Variants in RAPGEF1 observed in about 807,000 individuals in gnomAD.
RAPGEF1 encodes Rap guanine nucleotide exchange factor 1, also known as CRK SH3-binding GNRP.
RAPGEF1 carries 33 observed loss-of-function variants against 143.3 expected under a neutral mutation model. The observed-to-expected ratio is 0.23, with a 90% confidence interval of 0.17 to 0.31. The LOEUF is 0.31. Ranked by LOEUF, RAPGEF1 falls within the 10% of genes least tolerant of loss-of-function variation. The pLI is 1.00. For missense variants in RAPGEF1, 1,199 were observed against 1,645.4 expected (o/e 0.73, Z 4.69); for synonymous variants, 629 against 676.5 (o/e 0.93, Z 1.09).
intron 12 of RAPGEF1, 64 bp from the exon 13 acceptor site, chr9:131,605,252 T>C (rs552637542): frequency 8.4e-7 from 1 of 1,190,222 alleles, no homozygotes; most frequent in South Asian, 1.5e-5. Context: ...AAAAAGTAAT[T>C]AGATTGGCAG....
In RAPGEF1 at chr9:131,650,285, CTGTT is replaced by C; in HGVS notation, c.202-47_202-44del. The C allele has an allele frequency of 1.5e-5, 22 of 1,467,774 alleles. No homozygotes were observed. Among genetic ancestry groups the C allele is most frequent in the Non-Finnish European group, 2.1e-5 (22 of 1,057,484 alleles). The allele number at this position is 1,467,774 out of a possible 1,614,324, so 90.9% of individuals were successfully genotyped here. On this transcript the variant is annotated intron_variant, in intron 2 of 26. Coordinates refer to ENST00000683357, the MANE Select transcript of RAPGEF1 (RefSeq NM_001377935.1). This position sits in a 1 kb window ranked among gnomAD's most constrained non-coding sequence, Gnocchi z 4.7. The stretch of plus-strand genomic sequence containing the variant: ...TGGATTCCTACAGAGTTTGAAATGG[CTGTT>C]TGAGGCCGAAGGGAGGGGTTGATGA...
rs546593958 is a variant in RAPGEF1, at chr9:131,726,018, C to T, written c.61+13752G>A. On this transcript the variant is annotated intron_variant, in intron 1 of 26. Transcript: ENST00000683357. The stretch of plus-strand genomic sequence containing the variant: ...TCGTGATTCACCCGCCTCAGCCTCC[C>T]AAAGTGCTGGGATTACAGGTGTGAG... 5.7e-4 allele frequency among the ~76,000 whole-genome samples: 86 copies of T among 152,108 alleles called. 1 individual carries two copies. The highest frequency in any genetic ancestry group is 1.7e-3 in the African/African-American group (70 of 41,496).
chr9:131,664,739 G>C (rs1387774053), intron 1 of RAPGEF1, among the ~76,000 whole-genome samples: 45 of 152,200 alleles, frequency 3.0e-4, no homozygotes, highest in Non-Finnish European at 7.3e-5. Flanking sequence ...CATATAGCAA[G>C]TACTGTGTTC....
At chr9:131,676,512 G>A (rs1052708931) in intron 1 of RAPGEF1, among the ~76,000 whole-genome samples, 1 of 152,346 alleles carries the variant, frequency 6.6e-6, no homozygotes, top group African/African-American at 2.4e-5. Context: ...GTCCTTTGAT[G>A]GGTAGCAGAT....
At chr9:131,729,519 A>T (rs1206377762) in intron 1 of RAPGEF1, among the ~76,000 whole-genome samples, 1 of 152,268 alleles carries the variant, frequency 6.6e-6, no homozygotes, top group Non-Finnish European at 1.5e-5. Flanking sequence ...CTGTAGGCAG[A>T]TGTGGTGCCA....
chr9:131,619,242 A>G, intron 11 of RAPGEF1, 36 bp from the exon 12 acceptor site: 1 of 1,294,822 alleles, frequency 7.7e-7, no homozygotes, highest in South Asian at 1.2e-5. Flanking sequence ...AAGGCAGGGA[A>G]GGAGGGAGAG....
chr9:131,695,899 T>A (rs1216584065), intron 1 of RAPGEF1, among the ~76,000 whole-genome samples: 1 of 152,174 alleles, frequency 6.6e-6, no homozygotes, highest in Non-Finnish European at 1.5e-5. Context: ...TCTTTAGAAC[T>A]CCTCACCGCA....
intron 1 of RAPGEF1, among the ~76,000 whole-genome samples, chr9:131,660,330 T>C (rs1466991876): frequency 6.6e-6 from 1 of 152,258 alleles, no homozygotes; most frequent in Non-Finnish European, 1.5e-5. Flanking sequence ...AGCCTATCTT[T>C]TAAAAAATTT....
At chr9:131,580,995 A>C in intron 25 of RAPGEF1, among the ~76,000 whole-genome samples, 1 of 151,948 alleles carries the variant, frequency 6.6e-6, no homozygotes, top group South Asian at 2.1e-4. Context: ...AAATACAAAA[A>C]GTAGCCGGGC....
intron 1 of RAPGEF1, among the ~76,000 whole-genome samples, chr9:131,726,509 C>CTATAAT (rs1836680050): frequency 2.0e-5 from 3 of 151,882 alleles, no homozygotes; most frequent in Non-Finnish European, 4.4e-5. Context: ...GCCTATAATC[C>CTATAAT]CAGCTACTTG....
intron 1 of RAPGEF1, among the ~76,000 whole-genome samples, chr9:131,683,637 A>C (rs895851909): frequency 2.6e-5 from 4 of 152,242 alleles, no homozygotes; most frequent in Admixed American, 2.6e-4. Flanking sequence ...CAGCCTGCTA[A>C]GCGTTTTCAT....
At chr9:131,618,175 T>G (rs1277141349) in intron 12 of RAPGEF1, among the ~76,000 whole-genome samples, 1 of 152,266 alleles carries the variant, frequency 6.6e-6, no homozygotes, top group Non-Finnish European at 1.5e-5. Flanking sequence ...ACTTCTGAGC[T>G]GAGGCCCTAA....
At chr9:131,645,472 G>C (rs991230146) in intron 3 of RAPGEF1, among the ~76,000 whole-genome samples, 1 of 152,258 alleles carries the variant, frequency 6.6e-6, no homozygotes, top group Non-Finnish European at 1.5e-5. Flanking sequence ...GATCAAATCA[G>C]CTGTTTAAGA....
chr9:131,628,151 G>C lies in RAPGEF1; in HGVS notation c.1018-55C>G. On this transcript the variant is annotated intron_variant, in intron 8 of 26. Transcript: ENST00000683357. The surrounding 1 kb of genome is among the most constrained non-coding windows in gnomAD (Gnocchi z 5.7). ...ATCACTTCTGAGAAACGGTGGCACA[G>C]ACCAGGGGTGAGGCAACCGGTGCAT... 2.1e-6 allele frequency: 3 copies of C among 1,430,108 alleles called. No individual in the cohort carries two copies. The highest frequency in any genetic ancestry group is 2.8e-6 in the Non-Finnish European group (3 of 1,083,260). 88.6% of individuals were successfully genotyped at this position (1,430,108 alleles called of 1,614,324 possible). A position where few individuals can be genotyped will look rare whatever the true frequency, so the allele number is the denominator to read the frequency against.
At chr9:131,686,353 TC>T (rs1388920351) in intron 1 of RAPGEF1, among the ~76,000 whole-genome samples, 1 of 152,220 alleles carries the variant, frequency 6.6e-6, no homozygotes, top group East Asian at 1.9e-4. Context: ...AGCATTCTGT[TC>T]CAATGCTGAA....
At chr9:131,739,574 C>T (rs1837623224) in intron 1 of RAPGEF1, among the ~76,000 whole-genome samples, 196 bp downstream of exon 1, 1 of 150,250 alleles carries the variant, frequency 6.7e-6, no homozygotes, top group Non-Finnish European at 1.5e-5. Flanking sequence ...CCCGCAGCGG[C>T]CGCTTCCCCC....
At chr9:131,695,913 C>T (rs752670390) in intron 1 of RAPGEF1, among the ~76,000 whole-genome samples, 2 of 152,180 alleles carry the variant, frequency 1.3e-5, no homozygotes, top group African/African-American at 2.4e-5. Context: ...CACCGCACCC[C>T]GTTCCCTGCT....
intron 22 of RAPGEF1, among the ~76,000 whole-genome samples, chr9:131,586,875 G>A (rs1366754229): frequency 1.0e-5 from 1 of 95,366 alleles, no homozygotes; most frequent in Non-Finnish European, 2.0e-5. Flanking sequence ...CCTGCAGAGC[G>A]AGACTCCGTC....
In RAPGEF1 at chr9:131,584,041, C is replaced by T. The variant is rs1265919917; in HGVS notation, c.3414+270G>A. On this transcript the variant is annotated intron_variant, in intron 24 of 26. Coordinates refer to ENST00000683357, the MANE Select transcript of RAPGEF1 (RefSeq NM_001377935.1). This position sits in a 1 kb window ranked among gnomAD's most constrained non-coding sequence, Gnocchi z 6.8. Reference sequence around the variant, plus strand: ...GAGGGCGGGCGGGGGAGGCGGGAACCCAGGGATGGGCCTGCTGGGTGGCAG... The same window carrying T: ...GAGGGCGGGCGGGGGAGGCGGGAACTCAGGGATGGGCCTGCTGGGTGGCAG... 6.6e-6 allele frequency among the ~76,000 whole-genome samples: 1 copy of T among 152,120 alleles called. No homozygotes were observed. Among genetic ancestry groups the T allele is most frequent in the Non-Finnish European group, 1.5e-5 (1 of 68,008 alleles).
Sources: allele counts gnomAD v4.1 joint callset (sites outside exome capture counted in the v4.1 genomes callset), GRCh38; gene constraint gnomAD v4.1.1; non-coding constraint Gnocchi (gnomAD v3.1); transcripts MANE v1.5; gene names NCBI Gene and HGNC (gene_info 2026-07-23, HGNC 2026-07-21).